TBCE: variants seen among roughly 807,000 people sequenced by gnomAD.
The protein encoded by TBCE is tubulin-specific chaperone E.
In TBCE, 53 loss-of-function variants were observed where a neutral mutation model predicts 77.0. The ratio of observed to expected loss-of-function variants is 0.69; its 90% confidence interval spans 0.55 to 0.87. The LOEUF is 0.87. TBCE is among the 40% of genes least tolerant of loss of function. The pLI, the probability that TBCE is intolerant of heterozygous loss-of-function variation, is 0.00. For synonymous variants in TBCE, 235 were observed against 241.3 expected (o/e 0.97, Z 0.24); for missense variants, 624 against 622.4 (o/e 1.00, Z -0.03).
rs1682862035 is a variant in TBCE at position 235,450,969 on chromosome 1, G to A, written c.*2207G>A. The A allele has an allele frequency of 6.6e-6, 1 of 152,208 alleles. No homozygotes were observed. Among genetic ancestry groups the A allele is most frequent in the Admixed American group, 6.5e-5 (1 of 15,270 alleles). The allele number at this position is 152,208 out of a possible 1,614,324, so 9.4% of individuals were successfully genotyped here. A position where few individuals can be genotyped will look rare whatever the true frequency, so the allele number is the denominator to read the frequency against. On this transcript the variant is annotated 3_prime_UTR_variant, in exon 17 of 17. Coordinates refer to ENST00000642610, the MANE Select transcript of TBCE (RefSeq NM_003193.5). Reference sequence around the variant, plus strand: ...GAACACAGAGAGAAACTCATTCAATGTTTTGACAACACAAAAATGTTGGAT... The same window carrying A: ...GAACACAGAGAGAAACTCATTCAATATTTTGACAACACAAAAATGTTGGAT...
intron 2 of TBCE, among the ~76,000 whole-genome samples, chr1:235,384,512 C>T (rs1677872857): frequency 8.3e-5 from 12 of 145,326 alleles, no homozygotes; most frequent in South Asian, 6.7e-4. Flanking sequence ...TTGGTCTATT[C>T]AGAGATTCAA....
chr1:235,451,169 AGGGGCC>A lies in TBCE; in HGVS notation c.*2408_*2413del, dbSNP rs1240531632. 6.6e-6 allele frequency: 1 copy of A among 152,112 alleles called. No individual in the cohort carries two copies. The highest frequency in any genetic ancestry group is 2.4e-5 in the African/African-American group (1 of 41,400). The allele number at this position is 152,112 out of a possible 1,614,324, so 9.4% of individuals were successfully genotyped here. On this transcript the variant is annotated 3_prime_UTR_variant, in exon 17 of 17. Transcript: ENST00000642610. The stretch of plus-strand genomic sequence containing the variant: ...GACTGACACAGAGCTAGGATCTCTG[AGGGGCC>A]ACAGCCTCAGGGGTGATAAAACAAA...
intron 1 of TBCE, among the ~76,000 whole-genome samples, chr1:235,369,266 T>G (rs542747915): frequency 3.2e-4 from 49 of 151,676 alleles, no homozygotes; most frequent in African/African-American, 9.0e-4. Flanking sequence ...CCCAGCACTT[T>G]GGGAGGCCGA....
At chr1:235,437,512 A>G (rs1427929511) in intron 12 of TBCE, 38 bp downstream of exon 12, 7 of 1,611,424 alleles carry the variant, frequency 4.3e-6, no homozygotes, top group Admixed American at 1.7e-5. Context: ...TTTTTAGACT[A>G]GAAAATAAAT....
chr1:235,409,970 C>T lies in TBCE; in HGVS notation c.186-4463C>T, dbSNP rs374451776. ...GCGTGAACCCGGGAGTTGGAGATTGCAGTGAACCGAGATCGTGCCACTGCA... is the reference window on the plus strand; with the variant it reads ...GCGTGAACCCGGGAGTTGGAGATTGTAGTGAACCGAGATCGTGCCACTGCA... On this transcript the variant is annotated intron_variant, in intron 3 of 16. Transcript: ENST00000642610. 1.6e-4 allele frequency among the ~76,000 whole-genome samples: 23 copies of T among 147,100 alleles called. No homozygotes were observed. The East Asian group carries it at 2.0e-3, about 13-fold the overall frequency.
intron 3 of TBCE, among the ~76,000 whole-genome samples, chr1:235,402,769 C>T (rs1679192663): frequency 6.6e-6 from 1 of 151,876 alleles, no homozygotes; most frequent in Non-Finnish European, 1.5e-5. Context: ...GGACTACAGG[C>T]GTGCACCAGC....
chr1:235,420,318 C>CT (rs796709432), intron 5 of TBCE, among the ~76,000 whole-genome samples: 18,633 of 141,292 alleles, frequency 0.13, 1,581 homozygotes, highest in African/African-American at 0.24. Flanking sequence ...TCATGCAGTT[C>CT]TTTTTTTTTT....
rs566923671 is a variant in TBCE, at chr1:235,380,929, G to T, written c.100+780G>T. Among the ~76,000 whole-genome samples, 7 of 152,204 alleles carry T rather than the reference G, an allele frequency of 4.6e-5. No homozygotes were observed. The South Asian group carries it at 1.0e-3, about 23-fold the overall frequency. ...GTCTCTCGAGTAGCTGGGATTTCAG[G>T]CATGTGCCACCACACCCGACTAATT... On this transcript the variant is annotated intron_variant, in intron 2 of 16. Transcript: ENST00000642610.
chr1:235,442,099 C>A (rs1410497963), intron 14 of TBCE, among the ~76,000 whole-genome samples: 1 of 151,894 alleles, frequency 6.6e-6, no homozygotes, highest in Non-Finnish European at 1.5e-5. Context: ...CCTCCGCCTC[C>A]CAGGTTCTAA....
intron 2 of TBCE, among the ~76,000 whole-genome samples, chr1:235,381,895 T>C (rs1182063903): frequency 6.7e-6 from 1 of 149,422 alleles, no homozygotes; most frequent in Non-Finnish European, 1.5e-5. Context: ...ACATGTGCCA[T>C]GCTGGTGTGC....
intron 2 of TBCE, among the ~76,000 whole-genome samples, chr1:235,398,375 A>G (rs1678874844): frequency 6.6e-6 from 1 of 151,562 alleles, no homozygotes; most frequent in Non-Finnish European, 1.5e-5. Context: ...CAAATTCCTG[A>G]CCTCAGGTGA....
chr1:235,449,103 G>A lies in TBCE; in HGVS notation c.*341G>A, dbSNP rs967920522. The A allele has an allele frequency of 1.0e-5, 3 of 287,590 alleles. No individual in the cohort carries two copies. The highest frequency in any genetic ancestry group is 2.0e-5 in the Non-Finnish European group (3 of 148,380). The allele number at this position is 287,590 out of a possible 1,614,324, so 17.8% of individuals were successfully genotyped here. On this transcript the variant is annotated 3_prime_UTR_variant, in exon 17 of 17. Transcript: ENST00000642610. ...ACAGTTAATATCTGTCATAAGACTA[G>A]TTTTAATGGAATTCTCTATTGAAAC...
rs557239817 is a variant in TBCE, at chr1:235,401,809, G to A, written c.185+222G>A. 2.0e-4 allele frequency among the ~76,000 whole-genome samples: 28 copies of A among 141,652 alleles called. 1 individual carries two copies. Among genetic ancestry groups the A allele is most frequent in the African/African-American group, 7.4e-4 (27 of 36,674 alleles). The allele number at this position is 141,652 out of a possible 152,430, so 92.9% of individuals were successfully genotyped here. A position where few individuals can be genotyped will look rare whatever the true frequency, so the allele number is the denominator to read the frequency against. ...ATTCTGACTCTTGACCTTATGCATGGCGTTGCTTTCTTCGTCCTTTTTTTT... is the reference window on the plus strand; with the variant it reads ...ATTCTGACTCTTGACCTTATGCATGACGTTGCTTTCTTCGTCCTTTTTTTT... On this transcript the variant is annotated intron_variant, in intron 3 of 16. Coordinates refer to ENST00000642610, the MANE Select transcript of TBCE (RefSeq NM_003193.5).
intron 13 of TBCE, among the ~76,000 whole-genome samples, chr1:235,440,422 C>T (rs990559051): frequency 3.3e-5 from 5 of 151,750 alleles, no homozygotes; most frequent in African/African-American, 4.8e-5. Context: ...GATGGTGTTT[C>T]GCTCTTGTTG....
At chr1:235,421,433 C>T (rs1018086706) in intron 5 of TBCE, among the ~76,000 whole-genome samples, 2 of 152,012 alleles carry the variant, frequency 1.3e-5, no homozygotes, top group Non-Finnish European at 2.9e-5. Flanking sequence ...GGAGGCTGGG[C>T]GCAGTGGCTC....
intron 3 of TBCE, among the ~76,000 whole-genome samples, chr1:235,405,320 CT>C (rs34897905): frequency 0.039 from 5,463 of 140,884 alleles, 193 homozygotes; most frequent in African/African-American, 0.085. Context: ...TTACAATTAA[CT>C]TTTTTTTTTT....
At chr1:235,387,557 T>C (rs951029019) in intron 2 of TBCE, among the ~76,000 whole-genome samples, 21 of 152,162 alleles carry the variant, frequency 1.4e-4, no homozygotes, top group African/African-American at 5.1e-4. Flanking sequence ...CTCAGACTGC[T>C]GTGCTAGCAA....
chr1:235,393,714 C>T (rs1259174752), intron 2 of TBCE, among the ~76,000 whole-genome samples: 4 of 152,050 alleles, frequency 2.6e-5, no homozygotes, highest in Non-Finnish European at 5.9e-5. Flanking sequence ...GTATGTACAG[C>T]AGTGATGTTC....
chr1:235,383,626 T>C, intron 2 of TBCE, among the ~76,000 whole-genome samples: 1 of 152,210 alleles, frequency 6.6e-6, no homozygotes, highest in East Asian at 1.9e-4. Flanking sequence ...TTGTCTGTTA[T>C]TGGTGTATAA....
Sources: allele counts gnomAD v4.1 joint callset (sites outside exome capture counted in the v4.1 genomes callset), GRCh38; gene constraint gnomAD v4.1.1; transcripts MANE v1.5; gene names NCBI Gene and HGNC (gene_info 2026-07-23, HGNC 2026-07-21).